The following IL17RD variants were observed in gnomAD, a reference collection of about 807,000 sequenced individuals.
IL17RD encodes interleukin-17 receptor D.
In IL17RD, 52 loss-of-function variants were observed where a neutral mutation model predicts 80.5. The ratio of observed to expected loss-of-function variants is 0.65; its 90% CI spans 0.52 to 0.81. The LOEUF (loss-of-function observed/expected upper bound fraction) is 0.81, where lower values mean the gene tolerates loss of function less well. Among genes scored for constraint, IL17RD ranks in the 40% least tolerant of loss-of-function variants. IL17RD has a pLI of 0.00. For synonymous variants in IL17RD, 416 were observed against 391.8 expected (o/e 1.06, Z -0.73); for missense variants, 1,024 against 955.1 (o/e 1.07, Z -0.95).
At position 57,091,497 on chromosome 3, in the gene IL17RD, G is replaced by A. The variant is rs1270562592; in HGVS notation, c.*4896C>T. 2.0e-5 allele frequency: 3 copies of A among 152,730 alleles called. No homozygotes were observed. Among genetic ancestry groups the A allele is most frequent in the South Asian group, 2.1e-4 (1 of 4,822 alleles). The allele number at this position is 152,730 out of a possible 1,614,324, so 9.5% of individuals were successfully genotyped here. A position where few individuals can be genotyped will look rare whatever the true frequency, so the allele number is the denominator to read the frequency against. On this transcript the variant is annotated 3_prime_UTR_variant, in exon 13 of 13. Transcript: ENST00000296318. ...TCGTCTTCACAAGGCACCAATGTGA[G>A]TAAGGCACCAACATTGTTTGGGCAA...
In IL17RD at chr3:57,109,648, A is replaced by T; in HGVS notation, c.439T>A (p.Ser147Thr). 1 of 1,613,322 alleles carries T rather than the reference A, an allele frequency of 6.2e-7. No individual in the cohort carries two copies. The highest frequency in any genetic ancestry group is 8.5e-7 in the Non-Finnish European group (1 of 1,179,596). Residue 147 changes from serine to threonine, a missense_variant, in exon 5 of 13, where the codon TCT (serine) becomes ACT (threonine). Coordinates refer to ENST00000296318, the MANE Select transcript of IL17RD (RefSeq NM_017563.5). ...AATTTCATATTCAGGAAAGGTTGAG[A>T]TTCCATTCCCTAAAAGGGAACAAAA... ...NSSFKRTGMESQPFLNMKFET... is the reference protein window; with the variant it reads ...NSSFKRTGMETQPFLNMKFET...
Position 57,097,414 on chromosome 3 carries a change from C to G in IL17RD, c.2107+182G>C. On this transcript the variant is annotated intron_variant, in intron 12 of 12. Transcript: ENST00000296318. ...CTATAATTTAGCATTAGTATTTCTG[C>G]AACTCAAACATGTGAGTACTCCCAT... 4 of 612,552 alleles carry G rather than the reference C, an allele frequency of 6.5e-6. No homozygotes were observed. In the South Asian group the frequency reaches 7.8e-5, roughly 12 times the overall value. 37.9% of individuals were successfully genotyped at this position (612,552 alleles called of 1,614,324 possible).
intron 1 of IL17RD, among the ~76,000 whole-genome samples, chr3:57,147,754 G>T (rs982275698): frequency 1.3e-5 from 2 of 151,584 alleles, no homozygotes; most frequent in Non-Finnish European, 2.9e-5. Context: ...TCAATACATG[G>T]AAATATCTTT....
chr3:57,116,890 T>TA (rs35526728), intron 2 of IL17RD, among the ~76,000 whole-genome samples: 2,214 of 136,374 alleles, frequency 0.016, 62 homozygotes, highest in African/African-American at 0.057. Flanking sequence ...CCCAAAATAT[T>TA]AAAAAAAAAA....
intron 1 of IL17RD, among the ~76,000 whole-genome samples, chr3:57,130,965 C>T (rs768802730): frequency 7.2e-5 from 11 of 152,182 alleles, no homozygotes; most frequent in Admixed American, 7.2e-4. Flanking sequence ...GCAATTAGAC[C>T]CTTCCCAGGC....
At chr3:57,123,601 A>T (rs1300534609) in intron 1 of IL17RD, among the ~76,000 whole-genome samples, 5 of 152,254 alleles carry the variant, frequency 3.3e-5, no homozygotes, top group Non-Finnish European at 5.9e-5. Context: ...CAATTTGAGT[A>T]GCATGGCACT....
chr3:57,156,797 C>A (rs2060270309), intron 1 of IL17RD, among the ~76,000 whole-genome samples: 2 of 151,938 alleles, frequency 1.3e-5, no homozygotes. Context: ...AATGAGCCCC[C>A]TTCTCCAGCT....
At chr3:57,129,583 T>C (rs899638170) in intron 1 of IL17RD, among the ~76,000 whole-genome samples, 19 of 152,158 alleles carry the variant, frequency 1.2e-4, no homozygotes, top group African/African-American at 4.1e-4. Flanking sequence ...AAATGGGGGA[T>C]TGTGACGTTG....
intron 7 of IL17RD, among the ~76,000 whole-genome samples, chr3:57,105,323 A>C (rs1273380969): frequency 1.3e-5 from 2 of 151,846 alleles, no homozygotes; most frequent in African/African-American, 4.8e-5. Context: ...AGATCACTTG[A>C]GGTCAGGAGT....
intron 5 of IL17RD, among the ~76,000 whole-genome samples, chr3:57,108,201 A>AG (rs1042687159): frequency 6.6e-6 from 1 of 151,972 alleles, no homozygotes; most frequent in Non-Finnish European, 1.5e-5. Context: ...CTGAGATTAC[A>AG]GGCACATGCC....
At chr3:57,123,636 T>C (rs960858809) in intron 1 of IL17RD, among the ~76,000 whole-genome samples, 9 of 152,188 alleles carry the variant, frequency 5.9e-5, no homozygotes, top group Non-Finnish European at 1.3e-4. Context: ...TGCAAAATGG[T>C]AGTTCCAATT....
intron 5 of IL17RD, among the ~76,000 whole-genome samples, 165 bp from the exon 6 acceptor site, chr3:57,106,319 T>C (rs571785771): frequency 6.6e-6 from 1 of 152,334 alleles, no homozygotes; most frequent in Admixed American, 6.5e-5. Context: ...TTGTATCTTA[T>C]GAAAATTTAA....
At chr3:57,152,470 A>G (rs546604269) in intron 1 of IL17RD, among the ~76,000 whole-genome samples, 1 of 152,350 alleles carries the variant, frequency 6.6e-6, no homozygotes, top group South Asian at 2.1e-4. Context: ...GAGGAGGCCC[A>G]GTCCTGAAAG....
At chr3:57,122,704 T>C (rs982704726) in intron 1 of IL17RD, among the ~76,000 whole-genome samples, 1 of 147,282 alleles carries the variant, frequency 6.8e-6, no homozygotes, top group Non-Finnish European at 1.5e-5. Context: ...TGGGGACCGC[T>C]GCTCTACACC....
rs183871769 is a variant in IL17RD, at chr3:57,135,555, C to T, written c.127-15242G>A. Among the ~76,000 whole-genome samples, 194 of 152,304 alleles carry T rather than the reference C, an allele frequency of 1.3e-3. 2 individuals are homozygous for T. The highest frequency in any genetic ancestry group is 1.2e-4 in the Non-Finnish European group (8 of 68,022). On this transcript the variant is annotated intron_variant, in intron 1 of 12. Transcript: ENST00000296318. The stretch of plus-strand genomic sequence containing the variant: ...CCATTCCATCATTTTGAAGAAGACT[C>T]TTCCAGACGGTCTTTACTGCCTGCA...
chr3:57,146,797 T>C lies in IL17RD; in HGVS notation c.126+18364A>G, dbSNP rs145272981. Among the ~76,000 whole-genome samples, 505 of 149,228 alleles carry C rather than the reference T, an allele frequency of 3.4e-3. 3 individuals are homozygous for C. The highest frequency in any genetic ancestry group is 0.012 in the African/African-American group (480 of 40,842). On this transcript the variant is annotated intron_variant, in intron 1 of 12. Coordinates refer to ENST00000296318, the MANE Select transcript of IL17RD (RefSeq NM_017563.5). ...AAAAAAATTATATAAACGTCAATAT[T>C]TCGTGTGTGTGTGAGAGGTATTCTT... is the stretch of plus-strand genomic sequence containing the variant.
rs1020842476 is a variant in IL17RD, at chr3:57,099,893, G to A, written c.1164+1286C>T. On this transcript the variant is annotated intron_variant, in intron 11 of 12. Coordinates refer to ENST00000296318, the MANE Select transcript of IL17RD (RefSeq NM_017563.5). ...TACTAATAGTGTAAAAAATTATTAA[G>A]AGACTGCAAAAAATCATTTCAATCA... Among the ~76,000 whole-genome samples, 3 of 152,286 alleles carry A rather than the reference G, an allele frequency of 2.0e-5. No homozygotes were observed. In the East Asian group the frequency reaches 5.8e-4, roughly 29 times the overall value.
In IL17RD at chr3:57,121,254, C is replaced by G. The variant is rs536855961; in HGVS notation, c.127-941G>C. The stretch of plus-strand genomic sequence containing the variant: ...GATGTTGGAGGGAACCATATGCGGG[C>G]AGCCTGGCATTTAATGGGTAATTGT... On this transcript the variant is annotated intron_variant, in intron 1 of 12. Coordinates refer to ENST00000296318, the MANE Select transcript of IL17RD (RefSeq NM_017563.5). 1.3e-4 allele frequency among the ~76,000 whole-genome samples: 20 copies of G among 152,324 alleles called. 1 individual carries two copies. The East Asian group carries it at 3.7e-3, about 28-fold the overall frequency.
chr3:57,140,821 A>G (rs1397207699), intron 1 of IL17RD, among the ~76,000 whole-genome samples: 2 of 152,112 alleles, frequency 1.3e-5, no homozygotes, highest in African/African-American at 2.4e-5. Context: ...AACAGTAACT[A>G]TTACACTGGT....
Sources: allele counts gnomAD v4.1 joint callset (sites outside exome capture counted in the v4.1 genomes callset), GRCh38; gene constraint gnomAD v4.1.1; transcripts MANE v1.5; gene names NCBI Gene and HGNC (gene_info 2026-07-23, HGNC 2026-07-21).